The following FNBP1 variants were observed in gnomAD, a reference collection of about 807,000 sequenced individuals.
The protein encoded by FNBP1 is formin-binding protein 1.
In FNBP1, 26 loss-of-function variants were observed where a neutral mutation model predicts 90.6. The observed-to-expected ratio is 0.29, with a 90% confidence interval of 0.21 to 0.40. The LOEUF (loss-of-function observed/expected upper bound fraction) is 0.40, where lower values mean the gene tolerates loss of function less well. Ranked by LOEUF, FNBP1 falls within the 10% of genes least tolerant of loss-of-function variation. The pLI, the probability that FNBP1 is intolerant of heterozygous loss-of-function variation, is 1.00. For missense variants in FNBP1, 635 were observed against 768.0 expected (o/e 0.83, Z 2.05); for synonymous variants, 260 against 265.2 (o/e 0.98, Z 0.19).
chr9:129,893,865 A>G (rs996968826), intron 16 of FNBP1, among the ~76,000 whole-genome samples: 13 of 149,622 alleles, frequency 8.7e-5, no homozygotes, highest in African/African-American at 2.7e-4. Flanking sequence ...GCAGTGAGCC[A>G]AGATTGTGCC....
Position 130,008,009 on chromosome 9 carries a change from A to AC in FNBP1, c.25-13052_25-13051insG, listed in dbSNP as rs539428643. Reference sequence around the variant, plus strand: ...TGAGACTCTGTCTCAAAAAAAAAAAAAAAAATTAAACTGCTTACTTTTTTT... The same window carrying AC: ...TGAGACTCTGTCTCAAAAAAAAAAAACAAAAATTAAACTGCTTACTTTTTTT... On this transcript the variant is annotated intron_variant, in intron 1 of 16. Coordinates refer to ENST00000446176, the MANE Select transcript of FNBP1 (RefSeq NM_015033.3). 4.7e-3 allele frequency among the ~76,000 whole-genome samples: 704 copies of AC among 148,700 alleles called. 6 individuals carry two copies. The highest frequency in any genetic ancestry group is 0.018 in the Middle Eastern group (5 of 282).
intron 1 of FNBP1, among the ~76,000 whole-genome samples, chr9:130,040,608 G>C (rs1408649985): frequency 7.0e-6 from 1 of 142,368 alleles, no homozygotes; most frequent in Non-Finnish European, 1.5e-5. Flanking sequence ...GCAGGCAACA[G>C]AGCAAGACTC....
At chr9:129,895,771 T>C (rs2035608069) in intron 16 of FNBP1, 67 bp downstream of exon 16, 3 of 1,459,028 alleles carry the variant, frequency 2.1e-6, no homozygotes, top group Non-Finnish European at 2.7e-6. Flanking sequence ...GTCATGGTTG[T>C]GGGGAGAAAC....
At chr9:130,017,871 GTT>G (rs373281834) in intron 1 of FNBP1, among the ~76,000 whole-genome samples, 41 of 93,748 alleles carry the variant, frequency 4.4e-4, no homozygotes, top group Middle Eastern at 6.9e-3. Flanking sequence ...GTCTAACGTG[GTT>G]TTTTTTTTTT....
chr9:130,045,253 T>C (rs896274181), upstream of FNBP1, among the ~76,000 whole-genome samples: 3 of 152,200 alleles, frequency 2.0e-5, no homozygotes, highest in African/African-American at 7.2e-5. Flanking sequence ...GGCAGATTAA[T>C]AGCCAGAGTG....
rs1177560128 is a variant in FNBP1 at position 129,929,564 on chromosome 9, T to C, written c.642+3A>G. On this transcript the variant is annotated splice_donor_region_variant and intron_variant, in intron 7 of 16. Coordinates refer to ENST00000446176, the MANE Select transcript of FNBP1 (RefSeq NM_015033.3). ...TGAAATCTGAGAGATGTTCAGGACT[T>C]ACCTGGAAGATGTTGGGGATGTGAG... 1.9e-6 allele frequency: 3 copies of C among 1,613,588 alleles called. No homozygotes were observed. The highest frequency in any genetic ancestry group is 4.5e-5 in the East Asian group (2 of 44,882).
intron 16 of FNBP1, among the ~76,000 whole-genome samples, chr9:129,894,528 A>C (rs530917620): frequency 6.6e-6 from 1 of 152,048 alleles, no homozygotes; most frequent in East Asian, 1.9e-4. Flanking sequence ...ACAAAAGCAA[A>C]CCCCCAAAGT....
chr9:129,934,577 A>AT (rs11406838), intron 6 of FNBP1, among the ~76,000 whole-genome samples: 125,704 of 148,404 alleles, frequency 0.85, 53,290 homozygotes, highest in East Asian at 0.91. Context: ...CTTCTTGGTA[A>AT]TTTTTTTTTT....
intron 1 of FNBP1, among the ~76,000 whole-genome samples, chr9:130,040,256 CAT>C (rs139718676): frequency 0.022 from 3,323 of 152,310 alleles, 46 homozygotes; most frequent in Middle Eastern, 0.034. Flanking sequence ...GTAGCACAAT[CAT>C]GTGTTCATTC....
chr9:130,016,584 A>G (rs2057263165), intron 1 of FNBP1, among the ~76,000 whole-genome samples: 1 of 152,136 alleles, frequency 6.6e-6, no homozygotes, highest in Non-Finnish European at 1.5e-5. Context: ...TCTCTACTAA[A>G]AACACAAAAT....
At chr9:130,040,524 G>C (rs1186211098) in intron 1 of FNBP1, among the ~76,000 whole-genome samples, 1 of 151,642 alleles carries the variant, frequency 6.6e-6, no homozygotes, top group African/African-American at 2.4e-5. Flanking sequence ...GGGAGGCTGA[G>C]GCAGGAGAAT....
chr9:129,895,509 C>T, intron 16 of FNBP1: 1 of 1,194,248 alleles, frequency 8.4e-7, no homozygotes, highest in Non-Finnish European at 1.0e-6. Flanking sequence ...AGATGAGAAG[C>T]TACAATGCAA....
intron 1 of FNBP1, among the ~76,000 whole-genome samples, chr9:130,027,941 T>A (rs2058496779): frequency 1.3e-5 from 2 of 150,220 alleles, no homozygotes; most frequent in East Asian, 2.0e-4. Flanking sequence ...AAAAAAAAAA[T>A]AGGGTCTCAT....
At chr9:129,927,431 CTCTTTGAGG>C in intron 7 of FNBP1, 90 bp from the exon 8 acceptor site, 1 of 1,276,234 alleles carries the variant, frequency 7.8e-7, no homozygotes, top group Admixed American at 2.0e-5. Context: ...CTAACAAGTT[CTCTTTGAGG>C]AAAAAATGGG....
chr9:129,928,672 AG>A (rs1373732696), intron 7 of FNBP1, among the ~76,000 whole-genome samples: 23 of 151,692 alleles, frequency 1.5e-4, no homozygotes, highest in African/African-American at 4.3e-4. Flanking sequence ...AAAAAAAAAA[AG>A]AAAAAAAGAA....
At chr9:129,914,152 G>A (rs1030629126) in intron 11 of FNBP1, among the ~76,000 whole-genome samples, 12 of 150,978 alleles carry the variant, frequency 7.9e-5, no homozygotes, top group African/African-American at 2.7e-4. Flanking sequence ...CACCACACCT[G>A]GTCCCACATC....
chr9:130,016,699 C>T (rs1189795665), intron 1 of FNBP1, among the ~76,000 whole-genome samples: 1 of 152,050 alleles, frequency 6.6e-6, no homozygotes, highest in Non-Finnish European at 1.5e-5. Context: ...GCCAAGATCT[C>T]GCCATTGCAC....
rs1175280141 is a variant in FNBP1 at position 129,974,722 on chromosome 9, T to C, written c.345+3743A>G. Among the ~76,000 whole-genome samples, 3 of 151,836 alleles carry C rather than the reference T, an allele frequency of 2.0e-5. No homozygotes were observed. The East Asian group carries it at 5.8e-4, about 29-fold the overall frequency. On this transcript the variant is annotated intron_variant, in intron 4 of 16. Coordinates refer to ENST00000446176, the MANE Select transcript of FNBP1 (RefSeq NM_015033.3). ...AAAATTTTTAAAAACTGGCTGAGCA[T>C]GGTGGCATATGCCTGTGGTCCCAGC...
chr9:129,998,362 A>G (rs2054326093), intron 1 of FNBP1, among the ~76,000 whole-genome samples: 1 of 151,672 alleles, frequency 6.6e-6, no homozygotes, highest in African/African-American at 2.4e-5. Flanking sequence ...TAAAAATACA[A>G]AATTAGCTGG....
Sources: gnomAD v4.1 joint callset for allele counts (sites outside exome capture counted in the v4.1 genomes callset) on GRCh38, gnomAD v4.1.1 for gene constraint, MANE v1.5 for transcripts, NCBI Gene and HGNC (gene_info 2026-07-23, HGNC 2026-07-21) for gene names.